The following EYS variants were observed in gnomAD, a reference collection of about 807,000 sequenced individuals.
EYS encodes EGF-like photoreceptor maintenance factor.
EYS carries 250 observed loss-of-function variants against 282.1 expected under a neutral mutation model. The observed-to-expected ratio is 0.89, with a 90% CI of 0.80 to 0.98. The LOEUF (loss-of-function observed/expected upper bound fraction) is 0.98, where lower values mean the gene tolerates loss of function less well. EYS is among the 50% of genes least tolerant of loss of function. EYS has a pLI of 0.00. For missense variants in EYS, 4,016 were observed against 3,709.0 expected (o/e 1.08, Z -2.15); for synonymous variants, 1,355 against 1,282.9 (o/e 1.06, Z -1.20).
chr6:65,120,543 T>G (rs1430762158), intron 12 of EYS, among the ~76,000 whole-genome samples: 2 of 150,748 alleles, frequency 1.3e-5, no homozygotes, highest in Non-Finnish European at 2.9e-5. Context: ...CACACTTTAA[T>G]GCAAACCATG....
At chr6:64,248,807 C>A (rs1767105242) in intron 30 of EYS, among the ~76,000 whole-genome samples, 1 of 152,084 alleles carries the variant, frequency 6.6e-6, no homozygotes, top group Non-Finnish European at 1.5e-5. Flanking sequence ...ATAATCCCAG[C>A]ACTTTGGGGG....
chr6:64,714,163 A>AGTCTTG (rs1771297317), intron 22 of EYS, among the ~76,000 whole-genome samples: 1 of 152,232 alleles, frequency 6.6e-6, no homozygotes, highest in Non-Finnish European at 1.5e-5. Context: ...GAAAGATTCA[A>AGTCTTG]GAAATGTTTG....
chr6:65,668,675 G>C (rs1381769125), intron 1 of EYS, among the ~76,000 whole-genome samples: 3 of 151,778 alleles, frequency 2.0e-5, no homozygotes, highest in Admixed American at 6.6e-5. Context: ...AGTCATATCT[G>C]TCTCTCTCCC....
intron 22 of EYS, among the ~76,000 whole-genome samples, chr6:64,761,091 A>C (rs182812429): frequency 1.5e-3 from 228 of 152,310 alleles, no homozygotes; most frequent in African/African-American, 5.4e-3. Context: ...ACTCTACTTG[A>C]ATTCAGTTAG....
intron 5 of EYS, among the ~76,000 whole-genome samples, chr6:65,456,624 A>G (rs914102692): frequency 1.3e-5 from 2 of 152,126 alleles, no homozygotes; most frequent in Non-Finnish European, 2.9e-5. Flanking sequence ...AAATAAATAC[A>G]TGTGATACAT....
intron 29 of EYS, among the ~76,000 whole-genome samples, chr6:64,308,849 C>A (rs1358919401): frequency 6.6e-6 from 1 of 151,948 alleles, no homozygotes; most frequent in Non-Finnish European, 1.5e-5. Context: ...AGTTTACAAA[C>A]AAGTCAAGTA....
chr6:65,128,714 A>C (rs773474423), intron 12 of EYS, among the ~76,000 whole-genome samples: 1 of 152,064 alleles, frequency 6.6e-6, no homozygotes, highest in Non-Finnish European at 1.5e-5. Context: ...CAAAAGAATC[A>C]ATATTACTAA....
rs561732833 is a variant in EYS at position 65,336,287 on chromosome 6, C to T, written c.1600-1141G>A. Among the ~76,000 whole-genome samples the T allele has an allele frequency of 2.8e-4, 42 of 151,768 alleles. 2 individuals are homozygous for T. Among genetic ancestry groups the T allele is most frequent in the African/African-American group, 7.0e-4 (29 of 41,470 alleles). On this transcript the variant is annotated intron_variant, in intron 10 of 42. Coordinates refer to ENST00000503581, the MANE Select transcript of EYS (RefSeq NM_001142800.2). ...TTGGTAGTCTTTTGGATGACATAAT[C>T]ATTTCAAAGTTTGAATTTCAAGCTT...
At chr6:64,887,247 A>G (rs1185443649) in intron 18 of EYS, among the ~76,000 whole-genome samples, 1 of 126,756 alleles carries the variant, frequency 7.9e-6, no homozygotes, top group Non-Finnish European at 1.6e-5. Context: ...ACATGGACAC[A>G]GGAAGGGGAA....
chr6:65,395,674 T>C (rs1017322574), intron 7 of EYS, among the ~76,000 whole-genome samples: 1 of 152,184 alleles, frequency 6.6e-6, no homozygotes, highest in Admixed American at 6.6e-5. Flanking sequence ...ATAAATACTG[T>C]TTGTACATAT....
intron 12 of EYS, among the ~76,000 whole-genome samples, chr6:65,207,015 T>C (rs767963599): frequency 1.3e-5 from 2 of 151,776 alleles, no homozygotes; most frequent in Non-Finnish European, 3.0e-5. Flanking sequence ...GTAGTTGAAT[T>C]CGTAGCTAGA....
chr6:63,749,282 A>C (rs1378447200), intron 41 of EYS, among the ~76,000 whole-genome samples: 1 of 152,072 alleles, frequency 6.6e-6, no homozygotes, highest in Non-Finnish European at 1.5e-5. Flanking sequence ...TTTCCATGTA[A>C]TTGTATGATT....
intron 31 of EYS, among the ~76,000 whole-genome samples, chr6:64,093,435 A>G (rs984996879): frequency 1.5e-4 from 23 of 152,094 alleles, no homozygotes; most frequent in African/African-American, 5.6e-4. Context: ...TTCATTGAGC[A>G]GTGGTTTGTA....
intron 22 of EYS, among the ~76,000 whole-genome samples, chr6:64,708,954 G>A (rs546333949): frequency 9.2e-5 from 14 of 152,096 alleles, no homozygotes; most frequent in South Asian, 2.1e-4. Context: ...TTTTGACATC[G>A]TGTTTAATTT....
At chr6:64,660,243 A>C (rs1336783989) in intron 22 of EYS, among the ~76,000 whole-genome samples, 2 of 152,192 alleles carry the variant, frequency 1.3e-5, no homozygotes, top group Non-Finnish European at 2.9e-5. Context: ...ATCTCAAAAT[A>C]ATAAGAGCTA....
intron 5 of EYS, among the ~76,000 whole-genome samples, chr6:65,409,891 A>G (rs1766909031): frequency 6.6e-6 from 1 of 152,094 alleles, no homozygotes; most frequent in Non-Finnish European, 1.5e-5. Context: ...GGCAGTATAA[A>G]ATGTTCAGTG....
chr6:64,220,916 T>TA (rs1274480333), intron 31 of EYS, among the ~76,000 whole-genome samples: 2 of 152,160 alleles, frequency 1.3e-5, no homozygotes, highest in African/African-American at 4.8e-5. Flanking sequence ...TCTCTTGAAT[T>TA]ACGGGGATAG....
chr6:65,218,262 T>C (rs1037809028), intron 12 of EYS, among the ~76,000 whole-genome samples: 1 of 152,150 alleles, frequency 6.6e-6, no homozygotes, highest in South Asian at 2.1e-4. Context: ...AATTCATCTC[T>C]TAAACATACC....
chr6:65,035,538 T>G (rs1430185532), intron 13 of EYS, among the ~76,000 whole-genome samples: 1 of 152,014 alleles, frequency 6.6e-6, no homozygotes, highest in East Asian at 1.9e-4. Flanking sequence ...TATACACCAA[T>G]GATGTCCAAA....
Sources: gnomAD v4.1 joint callset for allele counts (sites outside exome capture counted in the v4.1 genomes callset) on GRCh38, gnomAD v4.1.1 for gene constraint, MANE v1.5 for transcripts, NCBI Gene and HGNC (gene_info 2026-07-23, HGNC 2026-07-21) for gene names.